The following DMBT1 variants were observed in gnomAD, a reference collection of about 807,000 sequenced individuals.
The protein encoded by DMBT1 is scavenger receptor cysteine-rich domain-containing protein DMBT1.
In DMBT1, 198 loss-of-function variants were observed where a neutral mutation model predicts 252.9. The ratio of observed to expected loss-of-function variants is 0.78; its 90% confidence interval spans 0.70 to 0.88. The LOEUF (loss-of-function observed/expected upper bound fraction) is 0.88, where lower values mean the gene tolerates loss of function less well. DMBT1 is among the 40% of genes least tolerant of loss of function. The probability of loss-of-function intolerance (pLI) is 0.00; values close to 1 mark genes in which losing one functional copy is unlikely to be tolerated. For missense variants in DMBT1, 2,432 were observed against 2,404.7 expected (o/e 1.01, Z -0.24); for synonymous variants, 990 against 942.7 (o/e 1.05, Z -0.92).
intron 44 of DMBT1, among the ~76,000 whole-genome samples, chr10:122,621,899 C>G (rs1242562871): frequency 6.6e-6 from 1 of 152,146 alleles, no homozygotes; most frequent in Non-Finnish European, 1.5e-5. Flanking sequence ...AGTTTCAGCT[C>G]CTTCCAAAGA....
intron 42 of DMBT1, among the ~76,000 whole-genome samples, chr10:122,619,911 C>T (rs940537726): frequency 2.0e-5 from 3 of 152,236 alleles, no homozygotes; most frequent in African/African-American, 7.2e-5. Flanking sequence ...CTTTGGGCGG[C>T]TCCTTGGTTC....
chr10:122,576,168 G>T (rs1164974112), intron 6 of DMBT1, among the ~76,000 whole-genome samples: 1 of 152,178 alleles, frequency 6.6e-6, no homozygotes, highest in African/African-American at 2.4e-5. Context: ...TGCAGATCAG[G>T]AGGAGCCTTT....
chr10:122,568,767 CT>C (rs2097628770), intron 2 of DMBT1, among the ~76,000 whole-genome samples: 1 of 152,190 alleles, frequency 6.6e-6, no homozygotes, highest in Admixed American at 6.5e-5. Context: ...GCGGGGCCCA[CT>C]TTGGTCAGGG....
At chr10:122,589,359 T>G in intron 17 of DMBT1, 92 bp downstream of exon 17, 1 of 1,532,800 alleles carries the variant, frequency 6.5e-7, no homozygotes, top group Non-Finnish European at 8.8e-7. Context: ...TCAGAGCTTT[T>G]TCAACCTTTC....
At chr10:122,642,421 A>G (rs1372443163) in intron 55 of DMBT1, among the ~76,000 whole-genome samples, 2 of 152,152 alleles carry the variant, frequency 1.3e-5, no homozygotes, top group Non-Finnish European at 2.9e-5. Context: ...AATCTATAAT[A>G]ACTGGGTTAG....
At chr10:122,562,626 G>T (rs1464822236) in intron 1 of DMBT1, among the ~76,000 whole-genome samples, 1 of 152,242 alleles carries the variant, frequency 6.6e-6, no homozygotes, top group Admixed American at 6.5e-5. Context: ...TGTAGACAGG[G>T]AGTGAATTGC....
chr10:122,621,205 C>T lies in DMBT1; in HGVS notation c.5433C>T (p.Gly1811=), dbSNP rs2098064619. 6.2e-7 allele frequency: 1 copy of T among 1,613,918 alleles called. No individual in the cohort carries two copies. Among genetic ancestry groups the T allele is most frequent in the Non-Finnish European group, 8.5e-7 (1 of 1,179,822 alleles). Residue 1811 remains glycine, a synonymous_variant, in exon 44 of 56, where the codon GGC becomes GGT. Coordinates refer to ENST00000338354, the MANE Select transcript of DMBT1 (RefSeq NM_001377530.1). ...CCAATGTGGTCTGCAGGCAGCTGGG[C>T]TGTGGCTGGGCCATGTCGGCCCCAG... ...NDANVVCRQL[G]CGWAMSAPGN...
chr10:122,637,515 AAG>A (rs2098236742), intron 54 of DMBT1, among the ~76,000 whole-genome samples: 1 of 152,138 alleles, frequency 6.6e-6, no homozygotes, highest in Non-Finnish European at 1.5e-5. Context: ...GCTGAGCAGA[AAG>A]AGTATCTCCA....
At chr10:122,628,155 G>A (rs2133661236) in intron 46 of DMBT1, among the ~76,000 whole-genome samples, 2 of 152,318 alleles carry the variant, frequency 1.3e-5, no homozygotes, top group Admixed American at 1.3e-4. Context: ...TGACCCAGCA[G>A]TTGTATTCCT....
At chr10:122,637,514 A>G (rs4254005) in intron 54 of DMBT1, among the ~76,000 whole-genome samples, 14,526 of 152,204 alleles carry the variant, frequency 0.095, 762 homozygotes, top group South Asian at 0.19. Flanking sequence ...AGCTGAGCAG[A>G]AAGAGTATCT....
In DMBT1 at chr10:122,598,856, CT is replaced by C; in HGVS notation, c.3040del (p.Trp1014GlyfsTer109). The C allele has an allele frequency of 6.2e-7, 1 of 1,613,806 alleles. No individual in the cohort carries two copies. Among genetic ancestry groups the C allele is most frequent in the South Asian group, 1.1e-5 (1 of 91,072 alleles). On this transcript the variant is annotated frameshift_variant, in exon 26 of 56. Transcript: ENST00000338354. LOFTEE classifies it high-confidence loss of function. ...GAGTGGAGGTCCTATACCAAGGCTC[CT>C]GGGGCACCGTGTGCGATGACAGCTG... is the stretch of plus-strand genomic sequence containing the variant. ...GRVEVLYQGSWGTVCDDSWDT... is the reference protein window; with the variant it reads ...GRVEVLYQGSXGTVCDDSWDT...
chr10:122,631,227 G>A lies in DMBT1; in HGVS notation c.6292G>A (p.Gly2098Ser). 8.7e-6 allele frequency: 14 copies of A among 1,614,022 alleles called. No individual in the cohort carries two copies. Among genetic ancestry groups the A allele is most frequent in the Non-Finnish European group, 1.1e-5 (13 of 1,179,900 alleles). The change falls in exon 49 of 56, where the codon GGC becomes AGC. Residue 2098 changes from glycine (G) to serine (S), a missense_variant. Around this residue, in one of 3 missense-constraint regions of DMBT1, gnomAD observed 1,162 missense variants for 1,169.0 expected, o/e 0.99. Coordinates refer to ENST00000338354, the MANE Select transcript of DMBT1 (RefSeq NM_001377530.1). ...CACTCTCTGGCAGTGCCGGAACCGAGGCTGGTTCTCCCACAACTGTAATCA... is the reference window on the plus strand; with the variant it reads ...CACTCTCTGGCAGTGCCGGAACCGAAGCTGGTTCTCCCACAACTGTAATCA... Reference protein sequence around the residue: ...ESTLWQCRNRGWFSHNCNHRE... With the variant: ...ESTLWQCRNRSWFSHNCNHRE...
intron 11 of DMBT1, 94 bp downstream of exon 11, chr10:122,580,989 G>A (rs1047926775): frequency 5.7e-5 from 88 of 1,532,824 alleles, no homozygotes; most frequent in Non-Finnish European, 7.3e-5. Context: ...TCTCTGTGTG[G>A]ATACTGTGGG....
chr10:122,618,795 A>T (rs1327212179), intron 41 of DMBT1, among the ~76,000 whole-genome samples: 1 of 152,246 alleles, frequency 6.6e-6, no homozygotes, highest in Admixed American at 6.5e-5. Context: ...ATAGAGGCTC[A>T]AGGGTTAGGA....
chr10:122,630,526 T>C, intron 48 of DMBT1, 36 bp downstream of exon 48: 1 of 1,601,934 alleles, frequency 6.2e-7, no homozygotes, highest in Non-Finnish European at 8.5e-7. Flanking sequence ...TGAGGCTTGG[T>C]GGATTTACCC....
At chr10:122,617,877 C>G in intron 40 of DMBT1, 140 bp from the exon 41 acceptor site, 1 of 1,442,966 alleles carries the variant, frequency 6.9e-7, no homozygotes. Flanking sequence ...TAAAGCTGAA[C>G]CTCCGGTAGC....
chr10:122,597,986 C>T lies in DMBT1; in HGVS notation c.2930C>T (p.Thr977Ile), dbSNP rs1047594491. 2 of 1,613,932 alleles carry T rather than the reference C, an allele frequency of 1.2e-6. No individual in the cohort carries two copies. The highest frequency in any genetic ancestry group is 1.7e-6 in the Non-Finnish European group (2 of 1,179,858). The stretch of plus-strand genomic sequence containing the variant: ...GTTGCAATTACAGACACATTGCCGA[C>T]CATCACCTTGCCTGCATCGACAGTA... ...WSTPSPDTLP[T>I]ITLPASTVGS... The change falls in exon 25 of 56, where the codon ACC becomes ATC. Residue 977 changes from threonine (T) to isoleucine (I), a missense_variant. Thr to Ile is a moderately conservative substitution (Grantham distance 89). Coordinates refer to ENST00000338354, the MANE Select transcript of DMBT1 (RefSeq NM_001377530.1).
chr10:122,569,142 A>AG (rs35769193), intron 2 of DMBT1, among the ~76,000 whole-genome samples: 104,299 of 151,680 alleles, frequency 0.69, 36,039 homozygotes, highest in East Asian at 0.77. Context: ...CTTCAGTCTC[A>AG]CCCCCCAGAG....
intron 1 of DMBT1, among the ~76,000 whole-genome samples, chr10:122,564,573 G>A (rs1988445): frequency 0.67 from 101,835 of 151,866 alleles, 34,502 homozygotes; most frequent in East Asian, 0.77. Context: ...AGACCTTTTT[G>A]TATCACATAC....
Sources: allele counts gnomAD v4.1 joint callset (sites outside exome capture counted in the v4.1 genomes callset), GRCh38; gene constraint gnomAD v4.1.1; regional missense constraint gnomAD v4.1.1; transcripts MANE v1.5; gene names NCBI Gene and HGNC (gene_info 2026-07-23, HGNC 2026-07-21).